Variants in OXSR1 observed in about 807,000 individuals in gnomAD.
OXSR1 encodes oxidative stress responsive kinase 1.
OXSR1 carries 24 observed loss-of-function variants against 79.8 expected under a neutral mutation model. The observed-to-expected ratio is 0.30, with a 90% CI of 0.22 to 0.42. OXSR1 has a LOEUF of 0.42. Ranked by LOEUF, OXSR1 falls within the 10% of genes least tolerant of loss-of-function variation. OXSR1 has a pLI of 1.00. For synonymous variants in OXSR1, 226 were observed against 209.2 expected, an observed-to-expected ratio of 1.08 and a Z score of -0.69; for missense variants, 430 against 618.4, an observed-to-expected ratio of 0.70 and a Z score of 3.23.
intron 10 of OXSR1, among the ~76,000 whole-genome samples, chr3:38,233,997 A>C (rs953871370): frequency 5.3e-5 from 8 of 152,252 alleles, no homozygotes; most frequent in Admixed American, 5.2e-4. Flanking sequence ...AATTCAGTGA[A>C]GACTAAAGAA....
At chr3:38,187,805 C>G (rs1701910801) in intron 2 of OXSR1, among the ~76,000 whole-genome samples, 1 of 152,014 alleles carries the variant, frequency 6.6e-6, no homozygotes. Flanking sequence ...AGGCTGGTCT[C>G]AAACTCCTGG....
Position 38,246,202 on chromosome 3 carries a change from A to G in OXSR1, c.1238A>G (p.Glu413Gly), listed in dbSNP as rs1327938811. Residue 413 changes from glutamate to glycine, a missense_variant, in exon 13 of 18, where the codon GAG becomes GGG. Coordinates refer to ENST00000311806, the MANE Select transcript of OXSR1 (RefSeq NM_005109.3). ...CAAGTCTCTCTCCCACCCACCGCAGAGCCAGCAAAAACAGCTCAGGTAAAG... is the reference window on the plus strand; with the variant it reads ...CAAGTCTCTCTCCCACCCACCGCAGGGCCAGCAAAAACAGCTCAGGTAAAG... ...PTQVSLPPTA[E>G]PAKTAQALSS... The G allele has an allele frequency of 6.2e-7, 1 of 1,613,798 alleles. No homozygotes were observed. The highest frequency in any genetic ancestry group is 1.1e-5 in the South Asian group (1 of 91,078).
At chr3:38,232,630 C>T (rs144581679) in intron 10 of OXSR1, among the ~76,000 whole-genome samples, 102 of 150,800 alleles carry the variant, frequency 6.8e-4, no homozygotes, top group African/African-American at 2.3e-3. Flanking sequence ...CATGGTGGTG[C>T]GTGCCTGTGG....
At chr3:38,181,060 C>G (rs1438914441) in intron 1 of OXSR1, among the ~76,000 whole-genome samples, 1 of 151,880 alleles carries the variant, frequency 6.6e-6, no homozygotes, top group African/African-American at 2.4e-5. Flanking sequence ...GTTATTCTAC[C>G]TAACGCATGG....
At chr3:38,190,927 A>G (rs1575321675) in intron 3 of OXSR1, 88 bp downstream of exon 3, 1 of 745,692 alleles carries the variant, frequency 1.3e-6, no homozygotes, top group South Asian at 1.6e-5. Context: ...TTTCGTTTTC[A>G]TGGACATTTG....
intron 10 of OXSR1, among the ~76,000 whole-genome samples, chr3:38,235,498 C>T (rs1016385721): frequency 1.3e-5 from 2 of 152,084 alleles, no homozygotes; most frequent in African/African-American, 4.8e-5. Flanking sequence ...CAAAATAATT[C>T]AAGAAAAATG....
intron 8 of OXSR1, among the ~76,000 whole-genome samples, chr3:38,227,108 A>G (rs1702704329): frequency 6.6e-6 from 1 of 152,206 alleles, no homozygotes; most frequent in Non-Finnish European, 1.5e-5. Context: ...GTAAACCAAA[A>G]TTAAACTTTG....
chr3:38,202,328 A>G (rs1377046362), intron 4 of OXSR1, among the ~76,000 whole-genome samples: 4 of 152,016 alleles, frequency 2.6e-5, no homozygotes, highest in African/African-American at 4.8e-5. Flanking sequence ...ATGAACAACA[A>G]AGAGAGAGAG....
chr3:38,247,000 G>A (rs1379591280), intron 13 of OXSR1, among the ~76,000 whole-genome samples: 2 of 150,088 alleles, frequency 1.3e-5, no homozygotes, highest in Admixed American at 1.3e-4. Flanking sequence ...AGATCATCTC[G>A]TGTTCTGCCT....
At chr3:38,181,242 A>G (rs1049749836) in intron 1 of OXSR1, among the ~76,000 whole-genome samples, 1 of 151,976 alleles carries the variant, frequency 6.6e-6, no homozygotes, top group South Asian at 2.1e-4. Context: ...TCTGTCCAGC[A>G]AATGTTTTAT....
chr3:38,216,154 AATG>A lies in OXSR1; in HGVS notation c.490+6_490+8del, dbSNP rs774425956. Reference sequence around the variant, plus strand: ...AGATGGCTCAGTACAGATTGCAGGTAATGATTAGTATTTCTTTTTATTTGATTT... The same window carrying A: ...AGATGGCTCAGTACAGATTGCAGGTAATTAGTATTTCTTTTTATTTGATTT... On this transcript the variant is annotated splice_donor_5th_base_variant and intron_variant, in intron 5 of 17. Transcript: ENST00000311806. 6.4e-7 allele frequency: 1 copy of A among 1,551,672 alleles called. No individual in the cohort carries two copies. The highest frequency in any genetic ancestry group is 1.4e-5 in the African/African-American group (1 of 73,206).
rs1305933296 is a variant in OXSR1, at chr3:38,246,120, G to C, written c.1156G>C (p.Glu386Gln). 2 of 1,613,784 alleles carry C rather than the reference G, an allele frequency of 1.2e-6. No individual in the cohort carries two copies. The highest frequency in any genetic ancestry group is 1.7e-6 in the Non-Finnish European group (2 of 1,179,790). The change falls in exon 13 of 18, where the codon GAA becomes CAA. Residue 386 changes from glutamate to glutamine, a missense_variant. Glu to Gln is a conservative substitution (Grantham distance 29). Around this residue, in one of 3 missense-constraint regions of OXSR1, gnomAD observed 276 missense variants for 354.2 expected, o/e 0.78. Transcript: ENST00000311806. The part of the protein sequence containing the change: ...DPVGTLLQVP[E>Q]QISAHLPQPA... ...TGTGGGTACTTTGCTCCAAGTTCCA[G>C]AACAGATCTCTGCTCATCTACCTCA...
At chr3:38,226,891 T>G (rs1223176260) in intron 8 of OXSR1, among the ~76,000 whole-genome samples, 1 of 151,900 alleles carries the variant, frequency 6.6e-6, no homozygotes, top group African/African-American at 2.4e-5. Flanking sequence ...GAATGAAGTC[T>G]GTAGTTTAGT....
chr3:38,227,325 G>A (rs777913968), intron 8 of OXSR1, among the ~76,000 whole-genome samples: 1 of 152,042 alleles, frequency 6.6e-6, no homozygotes. Context: ...ATCACAGAGA[G>A]GTTAAGTAAC....
intron 2 of OXSR1, among the ~76,000 whole-genome samples, chr3:38,183,676 T>C (rs1445741424): frequency 1.3e-5 from 2 of 152,124 alleles, no homozygotes; most frequent in African/African-American, 4.8e-5. Context: ...AGACAAGAGA[T>C]AGAATGACCC....
At chr3:38,203,057 C>T (rs541635760) in intron 4 of OXSR1, among the ~76,000 whole-genome samples, 2 of 152,232 alleles carry the variant, frequency 1.3e-5, no homozygotes, top group African/African-American at 2.4e-5. Flanking sequence ...TGGTCACGCT[C>T]CTTGTCCACT....
At chr3:38,231,716 G>A (rs1257703740) in intron 10 of OXSR1, among the ~76,000 whole-genome samples, 1 of 151,972 alleles carries the variant, frequency 6.6e-6, no homozygotes, top group Non-Finnish European at 1.5e-5. Flanking sequence ...ATATTTTTAT[G>A]CTTATTAATA....
At chr3:38,169,877 A>G (rs1701543328) in intron 1 of OXSR1, among the ~76,000 whole-genome samples, 1 of 151,616 alleles carries the variant, frequency 6.6e-6, no homozygotes, top group East Asian at 1.9e-4. Context: ...CTACAGGTAC[A>G]TGCCACCACG....
At chr3:38,224,764 A>G in intron 8 of OXSR1, 60 bp downstream of exon 8, 1 of 1,146,174 alleles carries the variant, frequency 8.7e-7, no homozygotes, top group East Asian at 2.5e-5. Context: ...AAGTCTAAGA[A>G]TCACATACTC....
Sources: gnomAD v4.1 joint callset for allele counts (sites outside exome capture counted in the v4.1 genomes callset) on GRCh38, gnomAD v4.1.1 for gene constraint, gnomAD v4.1.1 regional missense constraint, MANE v1.5 for transcripts, NCBI Gene and HGNC (gene_info 2026-07-23, HGNC 2026-07-21) for gene names.